CSMD1: variants seen among roughly 807,000 people sequenced by gnomAD.
CSMD1 encodes CUB and sushi domain-containing protein 1.
CSMD1 carries 213 observed loss-of-function variants against 417.5 expected under a neutral mutation model. The observed-to-expected ratio is 0.51, with a 90% CI of 0.46 to 0.57. The LOEUF (loss-of-function observed/expected upper bound fraction) is 0.57, where lower values mean the gene tolerates loss of function less well. Ranked by LOEUF, CSMD1 falls within the 20% of genes least tolerant of loss-of-function variation. The pLI is 0.00. For synonymous variants in CSMD1, 2,862 were observed against 1,736.8 expected (o/e 1.65, Z -16.11); for missense variants, 6,923 against 4,529.7 (o/e 1.53, Z -15.17).
intron 5 of CSMD1, among the ~76,000 whole-genome samples, chr8:3,814,889 T>C (rs766053541): frequency 3.3e-5 from 5 of 152,198 alleles, no homozygotes; most frequent in Non-Finnish European, 7.3e-5. Context: ...TTTAAAGTCA[T>C]GGTGAAAATA....
chr8:4,033,827 C>T, intron 3 of CSMD1, among the ~76,000 whole-genome samples: 1 of 152,094 alleles, frequency 6.6e-6, no homozygotes, highest in Admixed American at 6.5e-5. Flanking sequence ...AACTCCATTC[C>T]ACACTTATAG....
At chr8:3,619,866 C>A (rs924176055) in intron 7 of CSMD1, among the ~76,000 whole-genome samples, 18 of 152,142 alleles carry the variant, frequency 1.2e-4, no homozygotes, top group African/African-American at 4.1e-4. Flanking sequence ...CTTTGGGAGG[C>A]TGAGGTGGGT....
At chr8:4,625,387 G>T (rs1802037177) in intron 2 of CSMD1, among the ~76,000 whole-genome samples, 1 of 152,100 alleles carries the variant, frequency 6.6e-6, no homozygotes, top group East Asian at 1.9e-4. Context: ...CCCCATGTAA[G>T]AAACATGCAC....
intron 3 of CSMD1, among the ~76,000 whole-genome samples, chr8:4,392,614 T>C (rs1334760544): frequency 6.6e-6 from 1 of 151,418 alleles, no homozygotes; most frequent in Non-Finnish European, 1.5e-5. Context: ...GAATAGGATA[T>C]GAGAAAAGAG....
chr8:3,251,604 G>C (rs1181574516), intron 26 of CSMD1, among the ~76,000 whole-genome samples: 1 of 152,154 alleles, frequency 6.6e-6, no homozygotes, highest in Non-Finnish European at 1.5e-5. Context: ...TGTGAAGAAA[G>C]TCATTGGTAG....
chr8:4,850,906 G>C (rs1801435884), intron 1 of CSMD1, among the ~76,000 whole-genome samples: 3 of 147,956 alleles, frequency 2.0e-5, no homozygotes, highest in Non-Finnish European at 3.0e-5. Context: ...TGTTTCCCTT[G>C]CCCCCCCACT....
At chr8:4,461,341 C>A (rs978800258) in intron 2 of CSMD1, among the ~76,000 whole-genome samples, 1 of 151,688 alleles carries the variant, frequency 6.6e-6, no homozygotes, top group African/African-American at 2.4e-5. Context: ...TATTCCACAG[C>A]ATACTGGAGG....
chr8:3,711,086 A>C (rs574946381), intron 6 of CSMD1, among the ~76,000 whole-genome samples: 15 of 152,186 alleles, frequency 9.9e-5, no homozygotes, highest in Non-Finnish European at 1.8e-4. Flanking sequence ...AATGTTTGCT[A>C]TATTTCCTAT....
intron 3 of CSMD1, among the ~76,000 whole-genome samples, chr8:4,097,422 C>A (rs900108905): frequency 6.6e-6 from 1 of 152,146 alleles, no homozygotes; most frequent in Admixed American, 6.6e-5. Context: ...ACGTTGTATA[C>A]ATATACGCTA....
At chr8:4,463,617 T>A (rs528284874) in intron 2 of CSMD1, among the ~76,000 whole-genome samples, 20 of 152,154 alleles carry the variant, frequency 1.3e-4, no homozygotes, top group Admixed American at 5.2e-4. Flanking sequence ...CTGACAAACC[T>A]TGAAAACCTA....
At position 3,014,901 on chromosome 8, in the gene CSMD1, G is replaced by C. The variant is rs139188928; in HGVS notation, c.8029+3576C>G. ...ACTGCACTCCAGCCTGGGTAACACAGTGAGACCCTGTCTCAAACATAATTA... is the reference window on the plus strand; with the variant it reads ...ACTGCACTCCAGCCTGGGTAACACACTGAGACCCTGTCTCAAACATAATTA... On this transcript the variant is annotated intron_variant, in intron 52 of 69. Coordinates refer to ENST00000635120, the MANE Select transcript of CSMD1 (RefSeq NM_033225.6). Among the ~76,000 whole-genome samples, 927 of 147,736 alleles carry C rather than the reference G, an allele frequency of 6.3e-3. 12 individuals carry two copies. Among genetic ancestry groups the C allele is most frequent in the African/African-American group, 0.016 (602 of 37,438 alleles).
At chr8:3,844,933 G>A (rs539537142) in intron 5 of CSMD1, among the ~76,000 whole-genome samples, 3 of 152,118 alleles carry the variant, frequency 2.0e-5, no homozygotes, top group African/African-American at 7.2e-5. Flanking sequence ...CCATCAGAAT[G>A]CTTGATTTTT....
chr8:3,034,716 TATC>T (rs1256513137), intron 50 of CSMD1, among the ~76,000 whole-genome samples: 1 of 152,174 alleles, frequency 6.6e-6, no homozygotes, highest in Non-Finnish European at 1.5e-5. Flanking sequence ...CTTCCCACAA[TATC>T]ATACTTAGAG....
At chr8:4,694,653 G>A (rs1047443180) in intron 1 of CSMD1, among the ~76,000 whole-genome samples, 3 of 151,782 alleles carry the variant, frequency 2.0e-5, no homozygotes, top group East Asian at 2.0e-4. Flanking sequence ...GTGAGTCACC[G>A]CGCCCAGCCC....
intron 7 of CSMD1, among the ~76,000 whole-genome samples, chr8:3,696,231 G>A (rs1800544487): frequency 6.6e-6 from 1 of 152,058 alleles, no homozygotes; most frequent in African/African-American, 2.4e-5. Flanking sequence ...CATAAAATAG[G>A]CAATTTAGAC....
intron 69 of CSMD1, among the ~76,000 whole-genome samples, chr8:2,940,505 G>A (rs948715147): frequency 2.6e-5 from 4 of 152,048 alleles, no homozygotes; most frequent in African/African-American, 7.2e-5. Context: ...AAAAATAAGC[G>A]CTATCTCCCT....
intron 3 of CSMD1, among the ~76,000 whole-genome samples, chr8:4,172,169 T>C (rs922428637): frequency 1.3e-5 from 2 of 152,142 alleles, no homozygotes; most frequent in African/African-American, 4.8e-5. Flanking sequence ...GAGAAGTGTT[T>C]GTGCCTTTTA....
chr8:3,695,203 G>C (rs781642449), intron 7 of CSMD1, among the ~76,000 whole-genome samples: 4 of 151,762 alleles, frequency 2.6e-5, no homozygotes, highest in African/African-American at 9.7e-5. Flanking sequence ...CTGAAAACCA[G>C]GTTTATCTTA....
chr8:3,657,900 C>A (rs990443972), intron 7 of CSMD1, among the ~76,000 whole-genome samples: 1 of 152,146 alleles, frequency 6.6e-6, no homozygotes, highest in East Asian at 1.9e-4. Context: ...CCTGGAGCTT[C>A]TGTGCAAATT....
Sources: gnomAD v4.1 joint callset for allele counts (sites outside exome capture counted in the v4.1 genomes callset) on GRCh38, gnomAD v4.1.1 for gene constraint, MANE v1.5 for transcripts, NCBI Gene and HGNC (gene_info 2026-07-23, HGNC 2026-07-21) for gene names.